RBFOX1: variants seen among roughly 807,000 people sequenced by gnomAD.
RBFOX1 encodes RNA binding protein fox-1 homolog 1.
Under a neutral mutation model 57.7 loss-of-function variants are expected in RBFOX1, and 8 were observed. The ratio of observed to expected loss-of-function variants is 0.14; its 90% CI spans 0.08 to 0.25. The LOEUF is 0.25. Among genes scored for constraint, RBFOX1 ranks in the 10% least tolerant of loss-of-function variants. The pLI is 1.00. For synonymous variants in RBFOX1, 326 were observed against 222.4 expected (o/e 1.47, Z -4.15); for missense variants, 611 against 548.5 (o/e 1.11, Z -1.14).
intron 4 of RBFOX1, among the ~76,000 whole-genome samples, chr16:7,200,714 G>T (rs1438171047): frequency 2.0e-5 from 3 of 152,178 alleles, no homozygotes; most frequent in African/African-American, 7.2e-5. Context: ...GTGTTCCTCG[G>T]CTTAGCAGAG....
chr16:6,927,594 G>A (rs899717203), intron 3 of RBFOX1, among the ~76,000 whole-genome samples: 1 of 151,914 alleles, frequency 6.6e-6, no homozygotes, highest in Non-Finnish European at 1.5e-5. Context: ...CTGTGTGCCT[G>A]GAAAAGTACC....
intron 2 of RBFOX1, among the ~76,000 whole-genome samples, chr16:5,536,769 A>AT (rs989469278): frequency 2.0e-5 from 3 of 151,592 alleles, no homozygotes; most frequent in African/African-American, 4.9e-5. Context: ...GTAACATCTT[A>AT]TTGTAATATG....
chr16:7,423,606 G>C (rs1281065228), intron 4 of RBFOX1, among the ~76,000 whole-genome samples: 4 of 152,132 alleles, frequency 2.6e-5, no homozygotes, highest in Non-Finnish European at 4.4e-5. Context: ...TACTGACTGT[G>C]GGCACAGGGG....
intron 3 of RBFOX1, among the ~76,000 whole-genome samples, chr16:6,843,942 G>A (rs2093626372): frequency 1.3e-5 from 2 of 152,114 alleles, no homozygotes; most frequent in Non-Finnish European, 2.9e-5. Context: ...CTGTCTCATG[G>A]AAATCACAAG....
In RBFOX1 at chr16:6,634,084, C is replaced by CACACAT. The variant is rs60932754; in HGVS notation, c.-63-20501_-63-20496dup. Among the ~76,000 whole-genome samples, 957 of 151,692 alleles carry CACACAT rather than the reference C, an allele frequency of 6.3e-3. 8 individuals are homozygous for CACACAT. Among genetic ancestry groups the CACACAT allele is most frequent in the African/African-American group, 0.021 (875 of 41,334 alleles). ...ATAAACCTACACACACACATACACA[C>CACACAT]ACACATACACATACACATACACACA... On this transcript the variant is annotated intron_variant, in intron 2 of 15. Transcript: ENST00000550418.
At chr16:6,041,681 T>C (rs1376402696) in intron 1 of RBFOX1, among the ~76,000 whole-genome samples, 1 of 152,062 alleles carries the variant, frequency 6.6e-6, no homozygotes, top group Non-Finnish European at 1.5e-5. Flanking sequence ...CCTTTTAGTG[T>C]AAGGGGAAGT....
At chr16:6,799,365 TAAAA>T (rs776399047) in intron 3 of RBFOX1, among the ~76,000 whole-genome samples, 1 of 152,056 alleles carries the variant, frequency 6.6e-6, no homozygotes, top group Non-Finnish European at 1.5e-5. Context: ...TCTTTGTAGT[TAAAA>T]AAAGGTAAAA....
chr16:6,888,128 C>A (rs1474074476), intron 3 of RBFOX1, among the ~76,000 whole-genome samples: 1 of 152,008 alleles, frequency 6.6e-6, no homozygotes, highest in East Asian at 1.9e-4. Context: ...CCCTGGAGGA[C>A]AGGTTTTATT....
intron 4 of RBFOX1, among the ~76,000 whole-genome samples, chr16:7,436,535 C>A (rs972898761): frequency 2.0e-5 from 3 of 152,200 alleles, no homozygotes; most frequent in African/African-American, 7.2e-5. Flanking sequence ...TCCAACAACT[C>A]TAGGGGGCAG....
intron 4 of RBFOX1, among the ~76,000 whole-genome samples, chr16:7,276,628 C>A (rs2095445588): frequency 6.6e-6 from 1 of 152,066 alleles, no homozygotes; most frequent in Admixed American, 6.5e-5. Flanking sequence ...ACCAGAATTT[C>A]CTCACTCCTC....
intron 3 of RBFOX1, among the ~76,000 whole-genome samples, chr16:5,628,991 G>A (rs984875440): frequency 1.3e-5 from 2 of 152,190 alleles, no homozygotes; most frequent in African/African-American, 2.4e-5. Flanking sequence ...AACTGTGAGT[G>A]CGATTAAATG....
intron 3 of RBFOX1, among the ~76,000 whole-genome samples, chr16:6,667,915 G>A (rs1333967015): frequency 2.0e-5 from 3 of 151,782 alleles, no homozygotes; most frequent in Admixed American, 6.6e-5. Context: ...AAAAAAATAA[G>A]TACAAGCTGC....
intron 3 of RBFOX1, among the ~76,000 whole-genome samples, chr16:6,727,064 CAGACACAGAG>C (rs145757617): frequency 3.7e-5 from 5 of 136,186 alleles, no homozygotes; most frequent in Admixed American, 7.7e-5. Context: ...CACACACACA[CAGACACAGAG>C]AGAGACACAC....
Position 6,526,994 on chromosome 16 carries a change from A to T in RBFOX1, c.-63-127609A>T, listed in dbSNP as rs370232670. On this transcript the variant is annotated intron_variant, in intron 2 of 15. Transcript: ENST00000550418. ...TGTGCATTCACAGAAGAGAAATTCA[A>T]ATCTGGAAATCCAACTTAAATCTGC... Among the ~76,000 whole-genome samples the T allele has an allele frequency of 1.1e-4, 17 of 152,196 alleles. 1 individual carries two copies. Among genetic ancestry groups the T allele is most frequent in the African/African-American group, 3.6e-4 (15 of 41,540 alleles).
At chr16:6,314,799 G>T (rs1006839869) in intron 1 of RBFOX1, among the ~76,000 whole-genome samples, 2 of 152,168 alleles carry the variant, frequency 1.3e-5, no homozygotes, top group Admixed American at 6.5e-5. Flanking sequence ...ATAATTATTA[G>T]GACTCAGATA....
chr16:6,990,010 A>C (rs896323291), intron 3 of RBFOX1, among the ~76,000 whole-genome samples: 3 of 152,098 alleles, frequency 2.0e-5, no homozygotes, highest in Admixed American at 6.6e-5. Context: ...TCACACAAAA[A>C]ACTGAGAAAA....
intron 2 of RBFOX1, among the ~76,000 whole-genome samples, chr16:5,525,503 T>TC (rs1438003011): frequency 1.4e-5 from 2 of 144,046 alleles, no homozygotes; most frequent in Non-Finnish European, 3.0e-5. Context: ...TTTTTTTTTT[T>TC]TTTTTTTTTT....
chr16:6,536,260 C>G (rs1160656360), intron 2 of RBFOX1, among the ~76,000 whole-genome samples: 3 of 152,154 alleles, frequency 2.0e-5, no homozygotes, highest in African/African-American at 4.8e-5. Context: ...CTAGTATCCT[C>G]AAGAGTCTTT....
At chr16:5,915,013 G>T (rs907982518) in intron 4 of RBFOX1, among the ~76,000 whole-genome samples, 16 of 152,182 alleles carry the variant, frequency 1.1e-4, no homozygotes, top group Admixed American at 1.0e-3. Context: ...TTGCTCTATG[G>T]TGTTGAGTAG....
Sources: allele counts gnomAD v4.1 joint callset (sites outside exome capture counted in the v4.1 genomes callset), GRCh38; gene constraint gnomAD v4.1.1; transcripts MANE v1.5; gene names NCBI Gene and HGNC (gene_info 2026-07-23, HGNC 2026-07-21).